PIGA: variants seen among roughly 807,000 people sequenced by gnomAD.
PIGA encodes phosphatidylinositol glycan anchor biosynthesis class A, also known as phosphatidylinositol N-acetylglucosaminyltransferase subunit A.
Under a neutral mutation model 17.1 loss-of-function variants are expected in PIGA, and 3 were observed. The ratio of observed to expected loss-of-function variants is 0.18; its 90% confidence interval spans 0.08 to 0.45. PIGA has a LOEUF of 0.45. PIGA is among the 20% of genes least tolerant of loss of function. The pLI, the probability that PIGA is intolerant of heterozygous loss-of-function variation, is 0.99. For synonymous variants in PIGA, 126 were observed against 135.1 expected (o/e 0.93, Z 0.47); for missense variants, 231 against 374.1 (o/e 0.62, Z 3.16).
Position 15,331,907 on chromosome X carries a change from C to T in PIGA, c.24G>A (p.Gly8=). 8.3e-7 allele frequency: 1 copy of T among 1,205,476 alleles called. No homozygotes were observed. Among genetic ancestry groups the T allele is most frequent in the Non-Finnish European group, 1.1e-6 (1 of 891,346 alleles). The change falls in exon 2 of 6, where the codon GGG becomes GGA. Residue 8 remains glycine (G), a synonymous_variant. Coordinates refer to ENST00000333590, the MANE Select transcript of PIGA (RefSeq NM_002641.4). ...GTGTAGCTGAGGCACGGTGGCCATT[C>T]CCAGCTCCTCCTCTACAGGCCATGC... The part of the protein sequence containing the change: MACRGGA[G]NGHRASATLS...
At chrX:15,335,356 C>T (rs894333399) in intron 1 of PIGA, 145 bp downstream of exon 1, 8 of 496,541 alleles carry the variant, frequency 1.6e-5, no homozygotes, top group Non-Finnish European at 2.0e-5. Context: ...CCAACCTACT[C>T]TGGAGACCCT....
chrX:15,326,116 G>T, intron 2 of PIGA, 70 bp from the exon 3 acceptor site: 1 of 716,184 alleles, frequency 1.4e-6, no homozygotes, highest in Non-Finnish European at 2.1e-6. Flanking sequence ...GAACGACTGA[G>T]AATCCACTTA....
rs768524297 is a variant in PIGA at position 15,321,721 on chromosome X, C to T, written c.1240G>A (p.Asp414Asn). Residue 414 changes from aspartate to asparagine, a missense_variant, in exon 6 of 6, where the codon GAC becomes AAC. Transcript: ENST00000333590. ...EAVLPMDKRL[D>N]RLISHCGPVT... ...GGGCCGCAGTGAGAAATAAGTCTGT[C>T]CAGTCGTTTGTCCATTGGCAACACA... 1 of 1,209,957 alleles carries T rather than the reference C, an allele frequency of 8.3e-7. No homozygotes were observed. The highest frequency in any genetic ancestry group is 1.1e-6 in the Non-Finnish European group (1 of 893,904).
chrX:15,333,990 A>G (rs1183200777), intron 1 of PIGA, among the ~76,000 whole-genome samples: 4 of 111,355 alleles, frequency 3.6e-5, no homozygotes, highest in African/African-American at 1.3e-4. Context: ...AAAGCTAAAA[A>G]GAATCTTGGA....
In PIGA at chrX:15,321,506, C is replaced by T. The variant is rs1165120844; in HGVS notation, c.1455G>A (p.Ter485=). 1.7e-6 allele frequency: 2 copies of T among 1,198,875 alleles called. No homozygotes were observed. Residue 485 remains the stop codon, a stop_retained_variant, in exon 6 of 6, where the codon TAG becomes TAA. Coordinates refer to ENST00000333590, the MANE Select transcript of PIGA (RefSeq NM_002641.4). ...AAAATCTTACAATCTAGGCTTCCTT[C>T]TACCTGGTTTCAGATATCTCATTAT... ...GENNEISETR[*] is the part of the protein sequence containing the mutation.
Position 15,321,378 on chromosome X carries a change from GAT to G in PIGA, c.*126_*127del, listed in dbSNP as rs1014071560. 7 of 505,248 alleles carry G rather than the reference GAT, an allele frequency of 1.4e-5. No homozygotes were observed. In the Admixed American group the frequency reaches 2.1e-4, roughly 15 times the overall value. The allele number at this position is 505,248 out of a possible 1,213,427, so 41.6% of individuals were successfully genotyped here. ...CTTTCCTCAACAGAAAATATTGAAT[GAT>G]ATAGAGGTAGCATAACTTACTAAAT... On this transcript the variant is annotated 3_prime_UTR_variant, in exon 6 of 6. Transcript: ENST00000333590.
At chrX:15,335,478 G>A in intron 1 of PIGA, 23 bp downstream of exon 1, 1 of 987,865 alleles carries the variant, frequency 1.0e-6, no homozygotes, top group Non-Finnish European at 1.3e-6. Context: ...GCGCTGGAGA[G>A]GGGCGGCGCG....
intron 3 of PIGA, chrX:15,325,368 T>C (rs1921939756): frequency 7.2e-6 from 2 of 277,887 alleles, no homozygotes; most frequent in Non-Finnish European, 1.3e-5. Context: ...TATTTCTAAC[T>C]TTTGTTACAC....
chrX:15,326,835 G>T (rs1921985682), intron 2 of PIGA: 1 of 111,955 alleles, frequency 8.9e-6, no homozygotes, highest in Admixed American at 9.5e-5. Flanking sequence ...TCAGGTAATA[G>T]AAAACAATAA....
chrX:15,330,929 A>C, intron 2 of PIGA: 1 of 228,322 alleles, frequency 4.4e-6, no homozygotes, highest in Non-Finnish European at 7.9e-6. Flanking sequence ...CCACATGTGC[A>C]GGGCTGTTTT....
intron 1 of PIGA, among the ~76,000 whole-genome samples, chrX:15,334,514 C>G (rs1400210840): frequency 9.0e-6 from 1 of 110,674 alleles, no homozygotes; most frequent in East Asian, 2.8e-4. Context: ...AATATACTCT[C>G]GGAAAGACCC....
chrX:15,325,793 C>G, intron 3 of PIGA, 121 bp downstream of exon 3: 1 of 466,135 alleles, frequency 2.1e-6, no homozygotes, highest in Non-Finnish European at 3.4e-6. Flanking sequence ...AGATTTATAT[C>G]AATTATATGT....
At chrX:15,333,828 T>G (rs1309114982) in intron 1 of PIGA, among the ~76,000 whole-genome samples, 2 of 112,423 alleles carry the variant, frequency 1.8e-5, no homozygotes, top group Non-Finnish European at 3.8e-5. Flanking sequence ...CAGTGCGGTG[T>G]CTAAAGATAA....
chrX:15,326,234 T>A, intron 2 of PIGA, 188 bp from the exon 3 acceptor site: 1 of 318,345 alleles, frequency 3.1e-6, no homozygotes, highest in Non-Finnish European at 5.5e-6. Context: ...AGAGTTACAA[T>A]TCTTGAAGAC....
chrX:15,335,220 G>A (rs1416602827), intron 1 of PIGA: 12 of 286,536 alleles, frequency 4.2e-5, no homozygotes, highest in Admixed American at 1.2e-4. Context: ...CAGGCCCAAA[G>A]AGAGAAAGAA....
intron 1 of PIGA, chrX:15,335,268 T>A (rs900623294): frequency 6.8e-6 from 2 of 295,315 alleles, no homozygotes; most frequent in Non-Finnish European, 1.2e-5. Context: ...AGGCCCGGGG[T>A]TCCGGAGACC....
intron 1 of PIGA, among the ~76,000 whole-genome samples, chrX:15,334,212 A>G (rs1202830478): frequency 1.2e-5 from 1 of 80,695 alleles, no homozygotes; most frequent in Non-Finnish European, 2.2e-5. Context: ...TTTTTTTGAG[A>G]CGGAGTCTCA....
Position 15,331,552 on chromosome X carries a change from A to C in PIGA, c.379T>G (p.Ser127Ala). The change falls in exon 2 of 6, where the codon TCA becomes GCA. Residue 127 changes from serine to alanine, a missense_variant. Ser to Ala is a moderately conservative substitution (Grantham distance 99). Coordinates refer to ENST00000333590, the MANE Select transcript of PIGA (RefSeq NM_002641.4). The part of the protein sequence containing the change: ...FVRERVTIIH[S>A]HSSFSAMAHD... ...GCCATAGCAGAAAAAGAACTATGTG[A>C]ATGGATTATCGTGACTCTCTCCCGA... The C allele has an allele frequency of 8.3e-7, 1 of 1,211,258 alleles. No homozygotes were observed. The highest frequency in any genetic ancestry group is 1.8e-5 in the South Asian group (1 of 57,002).
chrX:15,333,433 C>T (rs749907009), intron 1 of PIGA, among the ~76,000 whole-genome samples: 33 of 112,070 alleles, frequency 2.9e-4, no homozygotes, highest in Non-Finnish European at 5.3e-4. Flanking sequence ...GTAATCCTAG[C>T]ACTTTGGGAG....
Sources: gnomAD v4.1 joint callset for allele counts (sites outside exome capture counted in the v4.1 genomes callset) on GRCh38, gnomAD v4.1.1 for gene constraint, MANE v1.5 for transcripts, NCBI Gene and HGNC (gene_info 2026-07-23, HGNC 2026-07-21) for gene names.